Variants in NRXN1 observed in about 807,000 individuals in gnomAD.
NRXN1 encodes the protein neurexin 1.
In NRXN1, 39 loss-of-function variants were observed where a neutral mutation model predicts 150.9. That is an observed-to-expected ratio of 0.26 (90% CI 0.20 to 0.34). The LOEUF (loss-of-function observed/expected upper bound fraction) is 0.34, where lower values mean the gene tolerates loss of function less well. Ranked by LOEUF, NRXN1 falls within the 10% of genes least tolerant of loss-of-function variation. The pLI is 1.00. For missense variants in NRXN1, 1,815 were observed against 1,949.9 expected (o/e 0.93, Z 1.30); for synonymous variants, 924 against 757.0 (o/e 1.22, Z -3.62).
chr2:50,227,925 C>A (rs1025621843), intron 18 of NRXN1, among the ~76,000 whole-genome samples: 1 of 152,010 alleles, frequency 6.6e-6, no homozygotes, highest in African/African-American at 2.4e-5. Context: ...TTAAAAGATA[C>A]TCAAACTTTT....
chr2:50,190,613 C>CTTTTTTTTTTTTTTTTTTTTTTTTTTTTT (rs11427672), intron 18 of NRXN1, among the ~76,000 whole-genome samples: 1 of 132,528 alleles, frequency 7.5e-6, no homozygotes, highest in Non-Finnish European at 1.6e-5. Context: ...CTTTTTTTTT[C>CTTTTTTTTTTTTTTTTTTTTTTTTTTTTT]TTTTTTTTTT....
intron 5 of NRXN1, among the ~76,000 whole-genome samples, chr2:50,662,822 A>C (rs568228685): frequency 3.9e-5 from 6 of 152,148 alleles, no homozygotes; most frequent in Middle Eastern, 3.4e-3. Context: ...ATAAGGAATA[A>C]GATGAGGACA....
intron 2 of NRXN1, among the ~76,000 whole-genome samples, chr2:50,926,938 G>T (rs574661676): frequency 6.6e-6 from 1 of 151,942 alleles, no homozygotes; most frequent in South Asian, 2.1e-4. Flanking sequence ...GAAAATTCAA[G>T]TTCTATTTGA....
chr2:49,944,057 A>G (rs1046024360), intron 21 of NRXN1, among the ~76,000 whole-genome samples: 10 of 152,346 alleles, frequency 6.6e-5, no homozygotes, highest in Admixed American at 2.0e-4. Context: ...TGCAGATAGA[A>G]GCTGCACACA....
At chr2:50,564,890 T>G (rs1361368682) in intron 8 of NRXN1, among the ~76,000 whole-genome samples, 1 of 152,194 alleles carries the variant, frequency 6.6e-6, no homozygotes, top group African/African-American at 2.4e-5. Flanking sequence ...CTTAGTTAAC[T>G]GTTTATTTAA....
At chr2:50,476,644 A>G (rs1401324604) in intron 15 of NRXN1, among the ~76,000 whole-genome samples, 2 of 152,140 alleles carry the variant, frequency 1.3e-5, no homozygotes, top group South Asian at 2.1e-4. Context: ...AAGGAGAAGT[A>G]TAGTTTATCT....
intron 17 of NRXN1, among the ~76,000 whole-genome samples, chr2:50,401,338 C>A (rs2082378086): frequency 2.0e-5 from 3 of 152,072 alleles, no homozygotes; most frequent in Non-Finnish European, 4.4e-5. Flanking sequence ...TTTGAAAAAT[C>A]ACTGCCCAGG....
At chr2:50,791,456 A>G (rs897543734) in intron 5 of NRXN1, among the ~76,000 whole-genome samples, 1 of 152,150 alleles carries the variant, frequency 6.6e-6, no homozygotes, top group Non-Finnish European at 1.5e-5. Flanking sequence ...CAACATCACC[A>G]TCTGCTCATC....
At chr2:50,512,293 C>T (rs1003278101) in intron 12 of NRXN1, among the ~76,000 whole-genome samples, 1 of 152,092 alleles carries the variant, frequency 6.6e-6, no homozygotes, top group Non-Finnish European at 1.5e-5. Context: ...GGCTCTTCTA[C>T]CCAAGAATTA....
intron 5 of NRXN1, among the ~76,000 whole-genome samples, chr2:50,822,326 T>C (rs148244231): frequency 3.3e-5 from 5 of 152,280 alleles, no homozygotes; most frequent in Non-Finnish European, 7.4e-5. Flanking sequence ...TAAGAAGTCA[T>C]GCTTTTATTA....
At position 50,135,152 on chromosome 2, in the gene NRXN1, A is replaced by G. The variant is rs1706194548; in HGVS notation, c.3547-43658T>C. Among the ~76,000 whole-genome samples the G allele has an allele frequency of 2.6e-5, 4 of 152,318 alleles. No homozygotes were observed. The South Asian group carries it at 8.3e-4, about 32-fold the overall frequency. On this transcript the variant is annotated intron_variant, in intron 18 of 22. Coordinates refer to ENST00000401669, the MANE Select transcript of NRXN1 (RefSeq NM_001330078.2). ...CATGCTTACTGTTACTTAAGATTAA[A>G]TTCTTGATAATAAGCAGATTTATTG...
chr2:50,646,378 T>C (rs1383147865), intron 5 of NRXN1, among the ~76,000 whole-genome samples: 1 of 151,996 alleles, frequency 6.6e-6, no homozygotes, highest in Non-Finnish European at 1.5e-5. Flanking sequence ...AAGCAGGAAA[T>C]ACTCTGAAAT....
At chr2:50,463,974 G>A (rs183744900) in intron 17 of NRXN1, 2 of 151,450 alleles carry the variant, frequency 1.3e-5, no homozygotes, top group Admixed American at 1.3e-4. Context: ...ATAAATTTAC[G>A]CCATTTTCTG....
At chr2:50,675,539 G>C (rs1397056987) in intron 5 of NRXN1, among the ~76,000 whole-genome samples, 1 of 152,120 alleles carries the variant, frequency 6.6e-6, no homozygotes, top group East Asian at 1.9e-4. Flanking sequence ...TTTGGCCAGT[G>C]GAGTGATGAT....
At chr2:50,918,738 T>G (rs1306090503) in intron 5 of NRXN1, 1 of 324,224 alleles carries the variant, frequency 3.1e-6, no homozygotes, top group African/African-American at 2.1e-5. Flanking sequence ...AAAGACATAC[T>G]TCATTCAAGG....
chr2:50,407,202 T>C (rs72876471), intron 17 of NRXN1, among the ~76,000 whole-genome samples: 21 of 152,270 alleles, frequency 1.4e-4, no homozygotes, highest in African/African-American at 5.1e-4. Flanking sequence ...ATTTCCCACA[T>C]CTCTATAACA....
chr2:50,118,363 C>A (rs1283601189), intron 18 of NRXN1, among the ~76,000 whole-genome samples: 3 of 151,932 alleles, frequency 2.0e-5, no homozygotes, highest in African/African-American at 7.3e-5. Context: ...GGGGAAGATT[C>A]GTGGATAGGG....
At chr2:50,079,372 C>T (rs751131360) in intron 19 of NRXN1, among the ~76,000 whole-genome samples, 1 of 152,022 alleles carries the variant, frequency 6.6e-6, no homozygotes, top group Non-Finnish European at 1.5e-5. Context: ...CATTCATTTT[C>T]CTATTAGCTA....
intron 21 of NRXN1, among the ~76,000 whole-genome samples, chr2:50,022,092 G>A (rs1687659882): frequency 6.7e-6 from 1 of 150,030 alleles, no homozygotes; most frequent in South Asian, 2.1e-4. Context: ...CTCATGATCT[G>A]CCCACCTCAG....
Sources: allele counts gnomAD v4.1 joint callset (sites outside exome capture counted in the v4.1 genomes callset), GRCh38; gene constraint gnomAD v4.1.1; transcripts MANE v1.5; gene names NCBI Gene and HGNC (gene_info 2026-07-23, HGNC 2026-07-21).